Variants in ABCG2 observed in about 807,000 individuals in gnomAD.
The protein encoded by ABCG2 is broad substrate specificity ATP-binding cassette transporter ABCG2.
In ABCG2, 80 loss-of-function variants were observed where a neutral mutation model predicts 73.5. That is an observed-to-expected ratio of 1.09 (90% CI 0.91 to 1.31). The LOEUF (loss-of-function observed/expected upper bound fraction) is 1.31, where lower values mean the gene tolerates loss of function less well. Among genes scored for constraint, ABCG2 ranks in the 50% most tolerant of loss-of-function variants. ABCG2 has a pLI of 0.00. For missense variants in ABCG2, 796 were observed against 786.2 expected, an observed-to-expected ratio of 1.01 and a Z score of -0.15; for synonymous variants, 269 against 282.4, an observed-to-expected ratio of 0.95 and a Z score of 0.48.
chr4:88,180,881 G>A (rs1033187520), intron 1 of ABCG2, among the ~76,000 whole-genome samples: 5 of 152,102 alleles, frequency 3.3e-5, no homozygotes, highest in Admixed American at 6.5e-5. Context: ...TTATAACACC[G>A]TAATTCCAAA....
chr4:88,177,766 G>C (rs959583614), intron 1 of ABCG2, among the ~76,000 whole-genome samples: 1 of 152,154 alleles, frequency 6.6e-6, no homozygotes, highest in Admixed American at 6.5e-5. Flanking sequence ...TGTGTGTTGG[G>C]GGAGGGAGAG....
At chr4:88,183,327 G>A (rs144999641) in intron 1 of ABCG2, among the ~76,000 whole-genome samples, 100 of 151,910 alleles carry the variant, frequency 6.6e-4, no homozygotes, top group African/African-American at 2.3e-3. Flanking sequence ...CCTTTAGCCA[G>A]ACTAATGAAG....
At chr4:88,230,290 G>GTT (rs1560470268) in intron 1 of ABCG2, among the ~76,000 whole-genome samples, 255 of 16,112 alleles carry the variant, frequency 0.016, 4 homozygotes, top group African/African-American at 0.063. Flanking sequence ...CACCGCACCT[G>GTT]TTATATATAT....
At chr4:88,198,094 G>A (rs1392679369) in intron 1 of ABCG2, among the ~76,000 whole-genome samples, 2 of 150,428 alleles carry the variant, frequency 1.3e-5, no homozygotes, top group Admixed American at 1.3e-4. Flanking sequence ...CACTTTGGGA[G>A]GCCGAGGTGG....
At chr4:88,169,935 A>ACC (rs1378775265) in intron 1 of ABCG2, among the ~76,000 whole-genome samples, 7 of 151,948 alleles carry the variant, frequency 4.6e-5, no homozygotes, top group Admixed American at 4.6e-4. Flanking sequence ...ACATGGTGAA[A>ACC]CCCCGTCTCT....
At position 88,215,096 on chromosome 4, in the gene ABCG2, A is replaced by T. The variant is rs192433545; in HGVS notation, c.-20+15898T>A. On this transcript the variant is annotated intron_variant, in intron 1 of 15. Coordinates refer to the ABCG2 transcript ENST00000515655. ...GACAGAATGAGACAGTCTTAAAAAA[A>T]TTTTGGAAAAAAAAGAGAGTTGCAT... Among the ~76,000 whole-genome samples, 204 of 152,270 alleles carry T rather than the reference A, an allele frequency of 1.3e-3. 5 individuals are homozygous for T. The South Asian group carries it at 0.023, about 17-fold the overall frequency.
chr4:88,145,068 T>C lies in ABCG2; in HGVS notation c.-19-5054A>G, dbSNP rs1000895817. On this transcript the variant is annotated intron_variant, in intron 1 of 15. Transcript: ENST00000237612. ...TGGTAGAAGCCAAGATAGCCTCAAG[T>C]TGAGAATTCCAGACTCTACTCTTCC... 3.7e-4 allele frequency among the ~76,000 whole-genome samples: 57 copies of C among 152,102 alleles called. 1 individual carries two copies. Among genetic ancestry groups the C allele is most frequent in the African/African-American group, 1.3e-3 (56 of 41,512 alleles).
intron 1 of ABCG2, among the ~76,000 whole-genome samples, chr4:88,187,776 G>C (rs1207254034): frequency 2.0e-5 from 3 of 152,118 alleles, no homozygotes; most frequent in Non-Finnish European, 4.4e-5. Flanking sequence ...TTAAAGGGAT[G>C]AGCTAATTTA....
At chr4:88,148,254 T>C (rs2622624) in intron 1 of ABCG2, among the ~76,000 whole-genome samples, 62,511 of 151,926 alleles carry the variant, frequency 0.41, 13,846 homozygotes, top group East Asian at 0.67. Flanking sequence ...TTTGGGTATA[T>C]GCACCCAAAG....
chr4:88,206,864 T>C (rs1473324175), intron 1 of ABCG2, among the ~76,000 whole-genome samples: 1 of 152,172 alleles, frequency 6.6e-6, no homozygotes, highest in Non-Finnish European at 1.5e-5. Flanking sequence ...CGCTGATTGG[T>C]GCATTTACAA....
intron 1 of ABCG2, among the ~76,000 whole-genome samples, chr4:88,227,782 A>G (rs2110135646): frequency 6.6e-6 from 1 of 152,360 alleles, no homozygotes; most frequent in African/African-American, 2.4e-5. Flanking sequence ...CAAAGTAGAA[A>G]TAGGATTATT....
intron 6 of ABCG2, 76 bp downstream of exon 6, chr4:88,121,559 C>G (rs1560683438): frequency 7.4e-7 from 1 of 1,359,688 alleles, no homozygotes; most frequent in East Asian, 2.4e-5. Flanking sequence ...CATTTCTGAA[C>G]CCCCTGCCCC....
At chr4:88,213,244 G>A (rs141846801) in intron 1 of ABCG2, among the ~76,000 whole-genome samples, 158 of 152,202 alleles carry the variant, frequency 1.0e-3, no homozygotes, top group Admixed American at 3.3e-3. Flanking sequence ...TCTCAATGCC[G>A]GGACCCTCAG....
chr4:88,136,265 T>C (rs1040258724), intron 2 of ABCG2, among the ~76,000 whole-genome samples: 3 of 152,138 alleles, frequency 2.0e-5, no homozygotes, highest in East Asian at 1.9e-4. Flanking sequence ...CGTATACACA[T>C]ACATATCTTC....
chr4:88,185,172 G>T (rs1728402008), intron 1 of ABCG2, among the ~76,000 whole-genome samples: 1 of 152,134 alleles, frequency 6.6e-6, no homozygotes, highest in Non-Finnish European at 1.5e-5. Flanking sequence ...ATACCAGCCT[G>T]GCCAACATGA....
chr4:88,164,964 G>GA (rs1422520868), intron 1 of ABCG2, among the ~76,000 whole-genome samples: 2 of 123,792 alleles, frequency 1.6e-5, no homozygotes, highest in Non-Finnish European at 3.8e-5. Context: ...TTTTAGTAGA[G>GA]ATGGGGTCTC....
intron 6 of ABCG2, 87 bp from the exon 7 acceptor site, chr4:88,118,347 G>T: frequency 2.1e-6 from 3 of 1,395,774 alleles, no homozygotes; most frequent in Non-Finnish European, 2.9e-6. Context: ...CCTTTAGATT[G>T]TTTGCTCTAG....
At chr4:88,208,374 A>G (rs763143919) in intron 1 of ABCG2, among the ~76,000 whole-genome samples, 10 of 152,210 alleles carry the variant, frequency 6.6e-5, no homozygotes, top group Non-Finnish European at 8.8e-5. Context: ...TCGCCTTCCC[A>G]TGAAGGGCCA....
chr4:88,142,469 T>C (rs1280490966), intron 1 of ABCG2, among the ~76,000 whole-genome samples: 15 of 152,170 alleles, frequency 9.9e-5, no homozygotes, highest in Admixed American at 9.8e-4. Context: ...GTAGAAACCA[T>C]TTAAAGACTG....
Sources: allele counts gnomAD v4.1 joint callset (sites outside exome capture counted in the v4.1 genomes callset), GRCh38; gene constraint gnomAD v4.1.1; transcripts MANE v1.5; gene names NCBI Gene and HGNC (gene_info 2026-07-23, HGNC 2026-07-21).